Variants in SND1 observed in about 807,000 individuals in gnomAD.
The protein encoded by SND1 is staphylococcal nuclease and tudor domain containing 1, also known as staphylococcal nuclease domain-containing protein 1.
A neutral mutation model predicts 121.7 loss-of-function variants in SND1; 38 were observed. The observed-to-expected ratio is 0.31, with a 90% confidence interval of 0.24 to 0.41. SND1 has a LOEUF of 0.41. Ranked by LOEUF, SND1 falls within the 10% of genes least tolerant of loss-of-function variation. The probability of loss-of-function intolerance (pLI) is 1.00; values close to 1 mark genes in which losing one functional copy is unlikely to be tolerated. For missense variants in SND1, 868 were observed against 1,184.6 expected (o/e 0.73, Z 3.92); for synonymous variants, 401 against 447.4 (o/e 0.90, Z 1.31).
At chr7:127,736,061 T>C (rs913524646) in intron 10 of SND1, among the ~76,000 whole-genome samples, 1 of 152,222 alleles carries the variant, frequency 6.6e-6, no homozygotes, top group African/African-American at 2.4e-5. Context: ...TCAATACTAG[T>C]CATTTTTGTA....
chr7:127,950,666 T>G (rs1467515622), intron 15 of SND1, among the ~76,000 whole-genome samples: 1 of 152,174 alleles, frequency 6.6e-6, no homozygotes, highest in Non-Finnish European at 1.5e-5. Flanking sequence ...AGATTCGCCC[T>G]TGTTTGGTAA....
intron 3 of SND1, among the ~76,000 whole-genome samples, chr7:127,696,710 AT>A (rs1258371502): frequency 6.6e-6 from 1 of 152,190 alleles, no homozygotes; most frequent in Non-Finnish European, 1.5e-5. Flanking sequence ...AAATGGCCAA[AT>A]TGTTTATTTT....
intron 10 of SND1, among the ~76,000 whole-genome samples, chr7:127,802,999 A>G (rs1276383782): frequency 1.3e-5 from 2 of 152,084 alleles, no homozygotes; most frequent in African/African-American, 4.8e-5. Flanking sequence ...CCAGATTACT[A>G]TCATAATCTC....
intron 1 of SND1, among the ~76,000 whole-genome samples, chr7:127,680,451 G>A (rs954255179): frequency 2.6e-5 from 4 of 151,946 alleles, no homozygotes; most frequent in South Asian, 2.1e-4. Context: ...CGTAGAAAAC[G>A]GCCATACCCA....
intron 10 of SND1, among the ~76,000 whole-genome samples, chr7:127,802,868 A>C (rs958728898): frequency 3.3e-5 from 5 of 151,966 alleles, no homozygotes; most frequent in Non-Finnish European, 5.9e-5. Flanking sequence ...GTCATTCTTG[A>C]TTCCTCCTTT....
chr7:128,058,655 C>G (rs1793181343), intron 16 of SND1, among the ~76,000 whole-genome samples: 1 of 152,160 alleles, frequency 6.6e-6, no homozygotes, highest in Non-Finnish European at 1.5e-5. Context: ...AAAGGCTGGG[C>G]CTTCAGCCTT....
At position 128,062,922 on chromosome 7, in the gene SND1, C is replaced by A. The variant is rs115888088; in HGVS notation, c.1780-11580C>A. On this transcript the variant is annotated intron_variant, in intron 16 of 23. Coordinates refer to ENST00000354725, the MANE Select transcript of SND1 (RefSeq NM_014390.4). The stretch of plus-strand genomic sequence containing the variant: ...CAGAGGGCTCGAGACCAGCACCTGG[C>A]GGGTGACTTGTAGCTTCCAGCCGTC... 7.7e-4 allele frequency among the ~76,000 whole-genome samples: 118 copies of A among 152,296 alleles called. 1 individual carries two copies. Among genetic ancestry groups the A allele is most frequent in the Middle Eastern group, 6.8e-3 (2 of 294 alleles).
At chr7:127,719,587 C>T (rs184308429) in intron 9 of SND1, among the ~76,000 whole-genome samples, 1 of 152,258 alleles carries the variant, frequency 6.6e-6, no homozygotes, top group East Asian at 1.9e-4. Context: ...ATTCTCAGAT[C>T]TGTCAAAAAG....
At chr7:128,041,592 A>G (rs935710339) in intron 16 of SND1, among the ~76,000 whole-genome samples, 5 of 152,220 alleles carry the variant, frequency 3.3e-5, no homozygotes, top group Non-Finnish European at 5.9e-5. Context: ...CATGATCTAA[A>G]CGTGCTAGAA....
At chr7:128,031,931 G>A (rs1310985559) in intron 16 of SND1, 1 of 150,904 alleles carries the variant, frequency 6.6e-6, no homozygotes, top group African/African-American at 2.4e-5. Flanking sequence ...GCGGCTGCGG[G>A]AAACGCTCCG....
At chr7:127,811,646 C>A (rs992698854) in intron 11 of SND1, among the ~76,000 whole-genome samples, 1 of 152,076 alleles carries the variant, frequency 6.6e-6, no homozygotes, top group Non-Finnish European at 1.5e-5. Context: ...TGTTAGACTA[C>A]CTCCTCGTAT....
At position 127,925,548 on chromosome 7, in the gene SND1, G is replaced by A. The variant is rs117690953; in HGVS notation, c.1528-3640G>A. Among the ~76,000 whole-genome samples, 543 of 151,470 alleles carry A rather than the reference G, an allele frequency of 3.6e-3. 3 individuals carry two copies. Among genetic ancestry groups the A allele is most frequent in the Admixed American group, 8.8e-3 (134 of 15,226 alleles). On this transcript the variant is annotated intron_variant, in intron 14 of 23. Coordinates refer to ENST00000354725, the MANE Select transcript of SND1 (RefSeq NM_014390.4). ...ATTCTGTGTAACAAGTCCTGTAGTT[G>A]TTATCTCTTTAAATCTAAGGTCTTA...
At chr7:127,685,588 C>T (rs1465336425) in intron 1 of SND1, among the ~76,000 whole-genome samples, 3 of 152,154 alleles carry the variant, frequency 2.0e-5, no homozygotes, top group Admixed American at 2.0e-4. Context: ...TCTTCTTCTC[C>T]CCTGCAAATA....
Position 128,030,145 on chromosome 7 carries a change from C to T in SND1, c.1779+39089C>T. 1 of 1,614,166 alleles carries T rather than the reference C, an allele frequency of 6.2e-7. No individual in the cohort carries two copies. The highest frequency in any genetic ancestry group is 8.5e-7 in the Non-Finnish European group (1 of 1,180,032). The stretch of plus-strand genomic sequence containing the variant: ...ATGAGGGAGGGCACCCGGTTGAAGG[C>T]GTAAGAGGGGATGCTTTCGATGGGG... On this transcript the variant is annotated intron_variant, in intron 16 of 23. Transcript: ENST00000354725.
chr7:127,906,636 C>A (rs1800346621), intron 14 of SND1, among the ~76,000 whole-genome samples: 1 of 152,146 alleles, frequency 6.6e-6, no homozygotes, highest in Non-Finnish European at 1.5e-5. Flanking sequence ...TGATTTCAAC[C>A]TTAGGGATAG....
chr7:127,970,957 A>G (rs934288006), intron 15 of SND1, among the ~76,000 whole-genome samples: 1 of 152,082 alleles, frequency 6.6e-6, no homozygotes, highest in Non-Finnish European at 1.5e-5. Flanking sequence ...AAATAAATAA[A>G]TAAATAAATG....
chr7:127,786,289 C>T (rs1195796638), intron 10 of SND1, among the ~76,000 whole-genome samples: 1 of 152,094 alleles, frequency 6.6e-6, no homozygotes, highest in East Asian at 1.9e-4. Flanking sequence ...GTATTTTAGG[C>T]TTATGCATTG....
chr7:127,893,331 T>C (rs1800050872), intron 13 of SND1, among the ~76,000 whole-genome samples: 1 of 152,120 alleles, frequency 6.6e-6, no homozygotes, highest in Non-Finnish European at 1.5e-5. Flanking sequence ...AAAACGTGGC[T>C]GTGTGCTATG....
chr7:128,062,898 A>G (rs140804898), intron 16 of SND1, among the ~76,000 whole-genome samples: 203 of 152,316 alleles, frequency 1.3e-3, no homozygotes, highest in African/African-American at 4.5e-3. Context: ...TCCTTGTTCC[A>G]GAGGGCTCGA....
Sources: allele counts gnomAD v4.1 joint callset (sites outside exome capture counted in the v4.1 genomes callset), GRCh38; gene constraint gnomAD v4.1.1; transcripts MANE v1.5; gene names NCBI Gene and HGNC (gene_info 2026-07-23, HGNC 2026-07-21).